GTF2A2: variants seen among roughly 807,000 people sequenced by gnomAD.
GTF2A2 encodes transcription initiation factor IIA subunit 2.
In GTF2A2, 9 loss-of-function variants were observed where a neutral mutation model predicts 14.3. That is an observed-to-expected ratio of 0.63 (90% CI 0.38 to 1.10). The LOEUF (loss-of-function observed/expected upper bound fraction) is 1.10. Among genes scored for constraint, GTF2A2 ranks in the 50% least tolerant of loss-of-function variants. The probability of loss-of-function intolerance (pLI) is 0.01; values close to 1 mark genes in which losing one functional copy is unlikely to be tolerated. For missense variants in GTF2A2, 90 were observed against 124.6 expected (o/e 0.72, Z 1.32); for synonymous variants, 56 against 46.0 (o/e 1.22, Z -0.88).
chr15:59,640,747 GTTACC>G (rs1891390163), intron 4 of GTF2A2, among the ~76,000 whole-genome samples: 1 of 152,088 alleles, frequency 6.6e-6, no homozygotes, highest in African/African-American at 2.4e-5. Flanking sequence ...CGAGGATGCT[GTTACC>G]TTAAATATGA....
chr15:59,656,872 G>GA (rs1173754399), intron 1 of GTF2A2: 3 of 152,224 alleles, frequency 2.0e-5, no homozygotes, highest in African/African-American at 7.2e-5. Context: ...ATCAGCCACA[G>GA]AAATTTATTG....
rs1477941756 is a variant in GTF2A2, at chr15:59,638,331, G to C, written c.*801C>G. ...TGGGTCAATCCAGTTAACCATGTAA[G>C]AAACTCCTCACCTAGGGTCAGTATG... On this transcript the variant is annotated 3_prime_UTR_variant, in exon 5 of 5. Transcript: ENST00000396060. The C allele has an allele frequency of 2.6e-5, 4 of 152,164 alleles. No individual in the cohort carries two copies. The highest frequency in any genetic ancestry group is 5.9e-5 in the Non-Finnish European group (4 of 68,032). The allele number at this position is 152,164 out of a possible 1,614,324, so 9.4% of individuals were successfully genotyped here. A position where few individuals can be genotyped will look rare whatever the true frequency, so the allele number is the denominator to read the frequency against.
At chr15:59,646,246 G>A (rs1201419985) in intron 3 of GTF2A2, among the ~76,000 whole-genome samples, 1 of 152,084 alleles carries the variant, frequency 6.6e-6, no homozygotes, top group Admixed American at 6.5e-5. Context: ...TAGTAGACAC[G>A]GGTTTTACCA....
rs1186237019 is a variant in GTF2A2, at chr15:59,642,207, T to C, written c.233A>G (p.Asp78Gly). 1 of 1,608,200 alleles carries C rather than the reference T, an allele frequency of 6.2e-7. No homozygotes were observed. The change falls in exon 4 of 5, where the codon GAT becomes GGT. Residue 78 changes from aspartate to glycine, a missense_variant. By Grantham distance (94) the Asp-to-Gly change is moderately conservative. Transcript: ENST00000396060. ...CDNVWTFVLN[D>G]VEFREVTELI... ...TTCTGTCACCTCTCTGAATTCAACA[T>C]CATTCAGTACAAAAGTCCACACATT...
At chr15:59,640,377 T>G (rs1469053496) in intron 4 of GTF2A2, 2 of 152,238 alleles carry the variant, frequency 1.3e-5, no homozygotes, top group African/African-American at 4.8e-5. Flanking sequence ...TCAGAGGCTT[T>G]ATTTACTGAT....
intron 3 of GTF2A2, among the ~76,000 whole-genome samples, chr15:59,642,723 G>A (rs1010004127): frequency 3.9e-5 from 6 of 152,186 alleles, no homozygotes; most frequent in Non-Finnish European, 7.3e-5. Flanking sequence ...CGGTCACTAA[G>A]ACTACAACAT....
chr15:59,641,117 A>G (rs545464600), intron 4 of GTF2A2, among the ~76,000 whole-genome samples: 6 of 151,750 alleles, frequency 4.0e-5, no homozygotes, highest in Non-Finnish European at 7.4e-5. Flanking sequence ...ACTCTGGGAG[A>G]AGGAGGTGGG....
chr15:59,650,766 T>C lies in GTF2A2; in HGVS notation c.80A>G (p.Gln27Arg). 4 of 1,578,850 alleles carry C rather than the reference T, an allele frequency of 2.5e-6. No homozygotes were observed. The highest frequency in any genetic ancestry group is 3.5e-6 in the Non-Finnish European group (4 of 1,148,556). The change falls in exon 3 of 5, where the codon CAG becomes CGG. Residue 27 changes from glutamine (Q) to arginine (R), a missense_variant. Transcript: ENST00000396060. ...TTGAAGGGCAAGTTGGGGGGTGATC[T>C]GTTGAGACTGAGAAAAGGTAAAGGT... ...ESLDELIQSQ[Q>R]ITPQLALQVL... is the part of the protein sequence containing the mutation.
intron 1 of GTF2A2, among the ~76,000 whole-genome samples, chr15:59,653,300 G>C (rs573097121): frequency 2.0e-5 from 3 of 152,242 alleles, no homozygotes; most frequent in Admixed American, 6.5e-5. Flanking sequence ...GTAAGATCTT[G>C]ACCTCATGGC....
intron 3 of GTF2A2, among the ~76,000 whole-genome samples, chr15:59,648,135 G>A (rs12906395): frequency 0.32 from 48,308 of 151,612 alleles, 8,492 homozygotes; most frequent in East Asian, 0.6. Flanking sequence ...ATGGCCGGGT[G>A]CGGTACCTCA....
At chr15:59,644,293 G>A (rs1300178137) in intron 3 of GTF2A2, 2 of 152,180 alleles carry the variant, frequency 1.3e-5, no homozygotes, top group African/African-American at 2.4e-5. Flanking sequence ...AGTCACATAG[G>A]AAATTTAGTA....
At position 59,638,874 on chromosome 15, in the gene GTF2A2, TTAAAATGAGTTTATTA is replaced by T. The variant is rs1891277146; in HGVS notation, c.*242_*257del. On this transcript the variant is annotated 3_prime_UTR_variant, in exon 5 of 5. Transcript: ENST00000396060. ...GCTTCACCAGTTATTACTCAGAGTT[TTAAAATGAGTTTATTA>T]AAGAAGGTTCTTAGGAAGGCAACAA... 2.6e-6 allele frequency: 1 copy of T among 386,198 alleles called. No individual in the cohort carries two copies. The highest frequency in any genetic ancestry group is 4.7e-6 in the Non-Finnish European group (1 of 212,780). The allele number at this position is 386,198 out of a possible 1,614,324, so 23.9% of individuals were successfully genotyped here.
At chr15:59,647,641 C>T (rs1186564856) in intron 3 of GTF2A2, among the ~76,000 whole-genome samples, 1 of 151,874 alleles carries the variant, frequency 6.6e-6, no homozygotes, top group Non-Finnish European at 1.5e-5. Context: ...TGCAGTGGCG[C>T]GATCTTGGCT....
intron 3 of GTF2A2, among the ~76,000 whole-genome samples, chr15:59,648,141 C>T (rs1195113856): frequency 1.3e-5 from 2 of 151,822 alleles, no homozygotes; most frequent in Non-Finnish European, 2.9e-5. Flanking sequence ...GGGTGCGGTA[C>T]CTCACGCCTG....
intron 4 of GTF2A2, among the ~76,000 whole-genome samples, chr15:59,641,813 T>G (rs12902774): frequency 3.9e-5 from 6 of 151,984 alleles, no homozygotes; most frequent in Non-Finnish European, 7.4e-5. Flanking sequence ...GTAAAAATTA[T>G]TCCTTAAAGT....
intron 1 of GTF2A2, among the ~76,000 whole-genome samples, chr15:59,654,226 C>A (rs10152209): frequency 6.6e-6 from 1 of 151,954 alleles, no homozygotes. Context: ...TTTGGGCCCC[C>A]CAGTGCCTAC....
Position 59,650,720 on chromosome 15 carries a change from C to T in GTF2A2, c.126G>A (p.Lys42=). The T allele has an allele frequency of 6.2e-7, 1 of 1,611,846 alleles. No individual in the cohort carries two copies. Among genetic ancestry groups the T allele is most frequent in the Non-Finnish European group, 8.5e-7 (1 of 1,178,080 alleles). The change falls in exon 3 of 5, where the codon AAG becomes AAA. Residue 42 remains lysine (K), a synonymous_variant. Transcript: ENST00000396060. Reference sequence around the variant, plus strand: ...TCTGAGCCAGTGCTGCATTTATAGCCTTATCAAACTGAAGTAGAACTTGAA... The same window carrying T: ...TCTGAGCCAGTGCTGCATTTATAGCTTTATCAAACTGAAGTAGAACTTGAA... The part of the protein sequence containing the change: ...LALQVLLQFD[K]AINAALAQRV...
At chr15:59,644,883 A>G (rs145666474) in intron 3 of GTF2A2, among the ~76,000 whole-genome samples, 6 of 152,342 alleles carry the variant, frequency 3.9e-5, no homozygotes, top group East Asian at 1.9e-4. Flanking sequence ...GATCTTAAGC[A>G]TAAGAGTCTG....
chr15:59,650,340 T>C (rs1891753995), intron 3 of GTF2A2, among the ~76,000 whole-genome samples: 1 of 152,212 alleles, frequency 6.6e-6, no homozygotes, highest in East Asian at 1.9e-4. Flanking sequence ...CCTTGGGGAT[T>C]ACTCCGCCAC....
Sources: gnomAD v4.1 joint callset for allele counts (sites outside exome capture counted in the v4.1 genomes callset) on GRCh38, gnomAD v4.1.1 for gene constraint, MANE v1.5 for transcripts, NCBI Gene and HGNC (gene_info 2026-07-23, HGNC 2026-07-21) for gene names.